The following WDR70 variants were observed in gnomAD, a reference collection of about 807,000 sequenced individuals.
WDR70 encodes WD repeat domain 70.
In WDR70, 53 loss-of-function variants were observed where a neutral mutation model predicts 88.6. The observed-to-expected ratio is 0.60, with a 90% CI of 0.48 to 0.75. The LOEUF (loss-of-function observed/expected upper bound fraction) is 0.75, where lower values mean the gene tolerates loss of function less well. Among genes scored for constraint, WDR70 ranks in the 30% least tolerant of loss-of-function variants. The pLI is 0.00. For missense variants in WDR70, 610 were observed against 823.2 expected, an observed-to-expected ratio of 0.74 and a Z score of 3.17; for synonymous variants, 280 against 270.0, an observed-to-expected ratio of 1.04 and a Z score of -0.36.
intron 10 of WDR70, among the ~76,000 whole-genome samples, chr5:37,656,470 G>A (rs534062298): frequency 3.9e-5 from 6 of 152,326 alleles, no homozygotes; most frequent in South Asian, 2.1e-4. Context: ...GAGCTCAAGC[G>A]CTGTGCTGGG....
intron 7 of WDR70, 130 bp from the exon 8 acceptor site, chr5:37,479,704 T>C: frequency 9.1e-7 from 1 of 1,094,918 alleles, no homozygotes; most frequent in Non-Finnish European, 1.3e-6. Flanking sequence ...TTGAGGTTGA[T>C]GTTCCTGATT....
chr5:37,508,688 A>G (rs1361725735), intron 8 of WDR70, among the ~76,000 whole-genome samples: 8 of 152,126 alleles, frequency 5.3e-5, no homozygotes, highest in African/African-American at 1.7e-4. Flanking sequence ...TACTAGTTTA[A>G]TATTTTTTCA....
At chr5:37,528,045 G>T (rs62359011) in intron 9 of WDR70, among the ~76,000 whole-genome samples, 90,673 of 151,952 alleles carry the variant, frequency 0.6, 28,404 homozygotes, top group Non-Finnish European at 0.69. Flanking sequence ...TGTAAACTAG[G>T]TCAACCATTT....
In WDR70 at chr5:37,696,676, C is replaced by T. The variant is rs548660493; in HGVS notation, c.1093-979C>T. On this transcript the variant is annotated intron_variant, in intron 10 of 17. Transcript: ENST00000265107. ...GTGGGTACACAGGTACACACACACG[C>T]GCGTGCACACACACCTATTATAGAG... Among the ~76,000 whole-genome samples the T allele has an allele frequency of 3.8e-3, 331 of 86,482 alleles. 3 individuals are homozygous for T. Among genetic ancestry groups the T allele is most frequent in the Non-Finnish European group, 4.3e-3 (158 of 36,530 alleles). The allele number at this position is 86,482 out of a possible 152,430, so 56.7% of individuals were successfully genotyped here. A position where few individuals can be genotyped will look rare whatever the true frequency, so the allele number is the denominator to read the frequency against.
At chr5:37,482,300 A>G (rs1440665762) in intron 8 of WDR70, among the ~76,000 whole-genome samples, 2 of 152,138 alleles carry the variant, frequency 1.3e-5, no homozygotes, top group Non-Finnish European at 2.9e-5. Flanking sequence ...CACTGCAAAT[A>G]AAGACATACC....
intron 9 of WDR70, among the ~76,000 whole-genome samples, chr5:37,590,866 AC>A (rs1370449971): frequency 1.3e-5 from 2 of 152,166 alleles, no homozygotes; most frequent in Non-Finnish European, 2.9e-5. Context: ...GAAACTGGAG[AC>A]CCAAAAAACC....
intron 9 of WDR70, among the ~76,000 whole-genome samples, chr5:37,548,227 G>T (rs1742048637): frequency 6.6e-6 from 1 of 152,166 alleles, no homozygotes; most frequent in Non-Finnish European, 1.5e-5. Context: ...CCTCCAAACT[G>T]TTCTCCATAG....
intron 5 of WDR70, among the ~76,000 whole-genome samples, chr5:37,408,085 C>T (rs1031652551): frequency 4.6e-5 from 7 of 151,998 alleles, no homozygotes; most frequent in African/African-American, 2.4e-5. Context: ...ATCTCGTCTG[C>T]GTCTGTCTTT....
At chr5:37,474,999 A>G (rs967117056) in intron 7 of WDR70, among the ~76,000 whole-genome samples, 7 of 149,900 alleles carry the variant, frequency 4.7e-5, no homozygotes, top group African/African-American at 1.7e-4. Flanking sequence ...GCTCACCGCA[A>G]TCTGCACCTC....
chr5:37,402,807 G>A (rs988004767), intron 5 of WDR70, among the ~76,000 whole-genome samples: 1 of 151,784 alleles, frequency 6.6e-6, no homozygotes, highest in Non-Finnish European at 1.5e-5. Context: ...CCCAGCCCCC[G>A]AACCTTCCCA....
intron 5 of WDR70, among the ~76,000 whole-genome samples, chr5:37,430,891 TC>T (rs1279369338): frequency 6.6e-6 from 1 of 152,008 alleles, no homozygotes; most frequent in Non-Finnish European, 1.5e-5. Context: ...TTTCCTTCTA[TC>T]GTCCAGGTTG....
At chr5:37,546,846 A>G (rs1458644878) in intron 9 of WDR70, among the ~76,000 whole-genome samples, 1 of 152,012 alleles carries the variant, frequency 6.6e-6, no homozygotes, top group Non-Finnish European at 1.5e-5. Context: ...TGAACCTGGG[A>G]GGCAGAGTTG....
At chr5:37,464,256 C>A (rs146947996) in intron 7 of WDR70, among the ~76,000 whole-genome samples, 1 of 152,190 alleles carries the variant, frequency 6.6e-6, no homozygotes, top group Non-Finnish European at 1.5e-5. Flanking sequence ...TGAACTGATT[C>A]ATTCCATTCT....
intron 9 of WDR70, among the ~76,000 whole-genome samples, chr5:37,519,608 G>A (rs1201272254): frequency 7.3e-6 from 1 of 137,814 alleles, no homozygotes; most frequent in Non-Finnish European, 1.5e-5. Flanking sequence ...CCTCCCAGAC[G>A]GCGTGGCCGG....
At chr5:37,694,264 T>G (rs1479608749) in intron 10 of WDR70, among the ~76,000 whole-genome samples, 1 of 152,208 alleles carries the variant, frequency 6.6e-6, no homozygotes, top group African/African-American at 2.4e-5. Context: ...TTTAAATTAG[T>G]TTAACCATTG....
intron 10 of WDR70, among the ~76,000 whole-genome samples, chr5:37,639,877 G>A (rs561136794): frequency 1.3e-5 from 2 of 152,238 alleles, no homozygotes; most frequent in East Asian, 3.9e-4. Flanking sequence ...ATCATTGCCA[G>A]AAGTGGTTTG....
intron 10 of WDR70, among the ~76,000 whole-genome samples, chr5:37,611,218 C>T (rs1174366888): frequency 6.6e-6 from 1 of 151,862 alleles, no homozygotes; most frequent in Non-Finnish European, 1.5e-5. Flanking sequence ...TTCTCTCACA[C>T]CTCAAGTACA....
chr5:37,487,627 A>T (rs1439186496), intron 8 of WDR70, among the ~76,000 whole-genome samples: 1,157 of 68,928 alleles, frequency 0.017, 38 homozygotes, highest in African/African-American at 0.048. Flanking sequence ...ATATATATGT[A>T]TTTTTTTTTT....
At chr5:37,724,490 A>C (rs1747912214) in intron 15 of WDR70, 1 of 155,400 alleles carries the variant, frequency 6.4e-6, no homozygotes, top group African/African-American at 2.4e-5. Context: ...AGAGGTGGTC[A>C]CATTTCAGAA....
Sources: gnomAD v4.1 joint callset for allele counts (sites outside exome capture counted in the v4.1 genomes callset) on GRCh38, gnomAD v4.1.1 for gene constraint, MANE v1.5 for transcripts, NCBI Gene and HGNC (gene_info 2026-07-23, HGNC 2026-07-21) for gene names.